COMMD1: variants seen among roughly 807,000 people sequenced by gnomAD.
COMMD1 encodes copper metabolism domain containing 1.
In COMMD1, 10 loss-of-function variants were observed where a neutral mutation model predicts 17.2. The observed-to-expected ratio is 0.58, with a 90% CI of 0.36 to 0.99. The LOEUF (loss-of-function observed/expected upper bound fraction) is 0.99, where lower values mean the gene tolerates loss of function less well. Ranked by LOEUF, COMMD1 falls within the 50% of genes least tolerant of loss-of-function variation. COMMD1 has a pLI of 0.01. For missense variants in COMMD1, 270 were observed against 231.8 expected (o/e 1.17, Z -1.07); for synonymous variants, 97 against 91.6 (o/e 1.06, Z -0.34).
intron 1 of COMMD1, among the ~76,000 whole-genome samples, chr2:61,994,280 C>G (rs1274359411): frequency 1.3e-5 from 2 of 152,158 alleles, no homozygotes; most frequent in African/African-American, 4.8e-5. Flanking sequence ...GCCACCACGC[C>G]CAGCCTGTAT....
chr2:61,904,437 A>G (rs996467105), upstream of COMMD1, among the ~76,000 whole-genome samples: 29 of 152,204 alleles, frequency 1.9e-4, no homozygotes, highest in African/African-American at 7.0e-4. Context: ...TCAGAACATC[A>G]GTTCTTAACA....
intron 1 of COMMD1, among the ~76,000 whole-genome samples, chr2:61,940,636 A>G (rs1340609675): frequency 6.6e-6 from 1 of 152,100 alleles, no homozygotes; most frequent in East Asian, 1.9e-4. Context: ...TTTCCAGTCT[A>G]GGGCAAATAG....
At chr2:61,991,963 A>G (rs1672264228) in intron 1 of COMMD1, among the ~76,000 whole-genome samples, 1 of 152,224 alleles carries the variant, frequency 6.6e-6, no homozygotes, top group Non-Finnish European at 1.5e-5. Flanking sequence ...ATTCACATAT[A>G]ATAAAATTAA....
chr2:61,943,221 A>G (rs1407052063), intron 1 of COMMD1, among the ~76,000 whole-genome samples: 1 of 152,212 alleles, frequency 6.6e-6, no homozygotes, highest in East Asian at 1.9e-4. Flanking sequence ...GAACAGACCT[A>G]TAATGTGTAA....
At chr2:61,991,211 G>T (rs1286641240) in intron 1 of COMMD1, among the ~76,000 whole-genome samples, 1 of 151,988 alleles carries the variant, frequency 6.6e-6, no homozygotes, top group Non-Finnish European at 1.5e-5. Context: ...AATTTGCTAG[G>T]CTAGATTAGG....
At chr2:62,019,165 C>G (rs889417303) in intron 2 of COMMD1, among the ~76,000 whole-genome samples, 1 of 128,814 alleles carries the variant, frequency 7.8e-6, no homozygotes, top group African/African-American at 2.9e-5. Flanking sequence ...TCTCTTTCCT[C>G]CTTTCTCTTT....
chr2:61,902,110 C>T (rs966428597), upstream of COMMD1, among the ~76,000 whole-genome samples: 2 of 151,608 alleles, frequency 1.3e-5, no homozygotes, highest in Admixed American at 6.6e-5. Context: ...GGATTACAGG[C>T]GTGAGCCACC....
At chr2:61,969,965 A>G (rs1273957882) in intron 1 of COMMD1, among the ~76,000 whole-genome samples, 1 of 152,058 alleles carries the variant, frequency 6.6e-6, no homozygotes, top group African/African-American at 2.4e-5. Flanking sequence ...CAGAATGAGA[A>G]TAATCATAGC....
intron 2 of COMMD1, among the ~76,000 whole-genome samples, chr2:62,103,181 T>C (rs772155941): frequency 2.3e-4 from 35 of 152,284 alleles, no homozygotes; most frequent in Non-Finnish European, 4.3e-4. Flanking sequence ...AGTTTCACCA[T>C]GTTAGCCAGA....
At chr2:61,935,631 C>CAA (rs576624967) in intron 1 of COMMD1, among the ~76,000 whole-genome samples, 61 of 143,088 alleles carry the variant, frequency 4.3e-4, no homozygotes, top group Non-Finnish European at 6.3e-4. Flanking sequence ...GACTCTGTTT[C>CAA]AAAAAAAAAA....
At chr2:61,960,108 AAT>A (rs1250709703) in intron 1 of COMMD1, among the ~76,000 whole-genome samples, 2 of 140,526 alleles carry the variant, frequency 1.4e-5, no homozygotes, top group East Asian at 2.2e-4. Flanking sequence ...GCTGATTTGG[AAT>A]ATATGTGTGT....
At chr2:61,898,057 A>ATTGTATT (rs1669588527) in intron 1 of COMMD1, among the ~76,000 whole-genome samples, 2 of 152,194 alleles carry the variant, frequency 1.3e-5, no homozygotes, top group Non-Finnish European at 2.9e-5. Context: ...AACTCAGTCC[A>ATTGTATT]TTGTATTTTA....
intron 1 of COMMD1, among the ~76,000 whole-genome samples, chr2:61,995,743 G>A (rs2103790623): frequency 6.6e-6 from 1 of 152,308 alleles, no homozygotes; most frequent in Middle Eastern, 3.4e-3. Flanking sequence ...GGTGCTTTCA[G>A]AAAAATCAGT....
chr2:62,129,272 C>G (rs1006192751), intron 2 of COMMD1, among the ~76,000 whole-genome samples: 2 of 152,138 alleles, frequency 1.3e-5, no homozygotes, highest in African/African-American at 4.8e-5. Context: ...AATATAATAA[C>G]CTCTCTCTCC....
chr2:61,930,945 A>G (rs540637858), intron 1 of COMMD1, among the ~76,000 whole-genome samples: 80 of 152,228 alleles, frequency 5.3e-4, no homozygotes, highest in African/African-American at 1.9e-3. Context: ...AGCCAATTAT[A>G]TATGCTCGAA....
chr2:61,931,442 G>T (rs116129645), intron 1 of COMMD1, among the ~76,000 whole-genome samples: 2 of 152,224 alleles, frequency 1.3e-5, no homozygotes, highest in East Asian at 3.8e-4. Context: ...TAGCGTTGCT[G>T]CTGCTTTTTG....
intron 2 of COMMD1, among the ~76,000 whole-genome samples, chr2:62,013,819 A>G (rs146211758): frequency 2.3e-3 from 355 of 152,332 alleles, no homozygotes; most frequent in African/African-American, 7.5e-3. Context: ...TTGACTGTCT[A>G]ACATACAACT....
chr2:62,074,259 C>T (rs772434715), intron 2 of COMMD1, among the ~76,000 whole-genome samples: 2 of 152,132 alleles, frequency 1.3e-5, no homozygotes, highest in African/African-American at 2.4e-5. Context: ...GAAGGTTGGC[C>T]ACATGATTGA....
chr2:62,101,892 C>A (rs1672191277), intron 2 of COMMD1, among the ~76,000 whole-genome samples: 1 of 152,160 alleles, frequency 6.6e-6, no homozygotes, highest in Admixed American at 6.5e-5. Flanking sequence ...ATGTAGGCAC[C>A]ATTGATTAAA....
Sources: gnomAD v4.1 joint callset for allele counts (sites outside exome capture counted in the v4.1 genomes callset) on GRCh38, gnomAD v4.1.1 for gene constraint, MANE v1.5 for transcripts, NCBI Gene and HGNC (gene_info 2026-07-23, HGNC 2026-07-21) for gene names.